SMIM36: variants seen among roughly 807,000 people sequenced by gnomAD.
SMIM36 encodes the protein small integral membrane protein 36.
chr17:55,457,575 G>A (rs1445642315), intron 4 of SMIM36, among the ~76,000 whole-genome samples: 2 of 151,266 alleles, frequency 1.3e-5, no homozygotes, highest in Non-Finnish European at 2.9e-5. Flanking sequence ...TGTCCAGACT[G>A]GAGTGCAATG....
intron 1 of SMIM36, among the ~76,000 whole-genome samples, chr17:55,487,848 C>T (rs756162347): frequency 3.9e-5 from 6 of 152,180 alleles, no homozygotes; most frequent in Non-Finnish European, 8.8e-5. Flanking sequence ...TTGCAGCTGA[C>T]TACTTGGAGG....
At chr17:55,460,926 G>A (rs1909139010) in intron 4 of SMIM36, among the ~76,000 whole-genome samples, 1 of 152,154 alleles carries the variant, frequency 6.6e-6, no homozygotes, top group African/African-American at 2.4e-5. Context: ...GAATCCATGT[G>A]TACCTAAGCA....
At chr17:55,476,637 G>T (rs1462693274) in intron 3 of SMIM36, among the ~76,000 whole-genome samples, 1 of 151,824 alleles carries the variant, frequency 6.6e-6, no homozygotes, top group African/African-American at 2.4e-5. Context: ...GCATGAAATC[G>T]GCTCACTGCA....
At chr17:55,468,527 C>A (rs1236638687) in intron 3 of SMIM36, 1 of 152,894 alleles carries the variant, frequency 6.5e-6, no homozygotes, top group African/African-American at 2.4e-5. Context: ...TGATCATTCA[C>A]CCACATTTCA....
chr17:55,472,982 C>A (rs993608013), intron 3 of SMIM36, among the ~76,000 whole-genome samples: 2 of 152,106 alleles, frequency 1.3e-5, no homozygotes, highest in African/African-American at 4.8e-5. Flanking sequence ...CTCCAGAAGG[C>A]TAGTATTTTT....
At chr17:55,452,012 AT>A (rs1908928070) in intron 4 of SMIM36, among the ~76,000 whole-genome samples, 1 of 148,542 alleles carries the variant, frequency 6.7e-6, no homozygotes, top group Admixed American at 6.9e-5. Context: ...AGGAGGGAGG[AT>A]CACTTGAGCC....
At chr17:55,458,785 A>G (rs140153088) in intron 4 of SMIM36, among the ~76,000 whole-genome samples, 1 of 152,008 alleles carries the variant, frequency 6.6e-6, no homozygotes, top group Non-Finnish European at 1.5e-5. Flanking sequence ...GAGAGGCCCA[A>G]CTGCAGGGGA....
At chr17:55,483,461 G>A (rs1206647042) in intron 1 of SMIM36, among the ~76,000 whole-genome samples, 1 of 152,218 alleles carries the variant, frequency 6.6e-6, no homozygotes, top group Non-Finnish European at 1.5e-5. Context: ...ATTTAAATCA[G>A]TAGAACAGTA....
intron 3 of SMIM36, among the ~76,000 whole-genome samples, chr17:55,470,411 C>T (rs371737020): frequency 5.2e-4 from 79 of 152,200 alleles, no homozygotes; most frequent in African/African-American, 1.8e-3. Flanking sequence ...CCTTCTTAAT[C>T]GATACAGAGG....
chr17:55,522,767 C>T, the SMIM36 span, among the ~76,000 whole-genome samples: 1 of 152,070 alleles, frequency 6.6e-6, no homozygotes, highest in Non-Finnish European at 1.5e-5. Context: ...GGCACTTGTC[C>T]CCATCTGACA....
upstream of SMIM36, among the ~76,000 whole-genome samples, chr17:55,515,160 A>G (rs1023120819): frequency 7.1e-6 from 1 of 140,808 alleles, no homozygotes; most frequent in African/African-American, 2.6e-5. Flanking sequence ...AAAGAGGGAA[A>G]GATGCTGTAG....
chr17:55,493,053 A>C (rs1415788874), intron 1 of SMIM36, among the ~76,000 whole-genome samples: 2 of 152,186 alleles, frequency 1.3e-5, no homozygotes, highest in Non-Finnish European at 2.9e-5. Context: ...GTGTGCATGC[A>C]TTCTGTGAAA....
chr17:55,483,753 C>A (rs1324039807), intron 1 of SMIM36, among the ~76,000 whole-genome samples: 1 of 152,150 alleles, frequency 6.6e-6, no homozygotes, highest in Non-Finnish European at 1.5e-5. Context: ...CAAGCCTCAG[C>A]CTCCTGAATA....
At chr17:55,501,486 T>C (rs1481628102) in intron 1 of SMIM36, among the ~76,000 whole-genome samples, 1 of 102,778 alleles carries the variant, frequency 9.7e-6, no homozygotes, top group Non-Finnish European at 1.8e-5. Context: ...AATTATTATA[T>C]ATAATATAAT....
chr17:55,474,757 G>C (rs1455889470), intron 3 of SMIM36, among the ~76,000 whole-genome samples: 1 of 152,162 alleles, frequency 6.6e-6, no homozygotes, highest in East Asian at 1.9e-4. Flanking sequence ...TGTGGTGTAA[G>C]CATGGTGTTT....
chr17:55,516,933 G>A, the SMIM36 span, among the ~76,000 whole-genome samples: 74,127 of 151,914 alleles, frequency 0.49, 18,345 homozygotes, highest in Middle Eastern at 0.51. Flanking sequence ...ATGTTAGTGT[G>A]TCCCTGAGAA....
At chr17:55,490,713 C>A (rs1055365351) in intron 1 of SMIM36, among the ~76,000 whole-genome samples, 2 of 152,054 alleles carry the variant, frequency 1.3e-5, no homozygotes, top group African/African-American at 2.4e-5. Flanking sequence ...CCCAGGAATA[C>A]TCGAAGTAGG....
intron 4 of SMIM36, among the ~76,000 whole-genome samples, chr17:55,450,712 C>T (rs1314845572): frequency 6.6e-6 from 1 of 152,180 alleles, no homozygotes; most frequent in Non-Finnish European, 1.5e-5. Context: ...AGTTAGGAGA[C>T]AGAGGCTCAC....
At chr17:55,508,435 T>TATATAC in intron 1 of SMIM36, among the ~76,000 whole-genome samples, 1 of 18,726 alleles carries the variant, frequency 5.3e-5, no homozygotes, top group Non-Finnish European at 1.7e-4. Context: ...CCTAGGAATA[T>TATATAC]ATATATATAT....
Sources: gnomAD v4.1 joint callset for allele counts (sites outside exome capture counted in the v4.1 genomes callset) on GRCh38, gnomAD v4.1.1 for gene constraint, MANE v1.5 for transcripts, NCBI Gene and HGNC (gene_info 2026-07-23, HGNC 2026-07-21) for gene names.